The following RPTOR variants were observed in gnomAD, a reference collection of about 807,000 sequenced individuals.
RPTOR encodes regulatory associated protein of MTOR complex 1.
In RPTOR, 21 loss-of-function variants were observed where a neutral mutation model predicts 169.9. That is an observed-to-expected ratio of 0.12 (90% CI 0.09 to 0.18). The LOEUF (loss-of-function observed/expected upper bound fraction) is 0.18. Among genes scored for constraint, RPTOR ranks in the 10% least tolerant of loss-of-function variants. The pLI is 1.00. For missense variants in RPTOR, 1,133 were observed against 1,855.9 expected, an observed-to-expected ratio of 0.61 and a Z score of 7.16; for synonymous variants, 732 against 753.2, an observed-to-expected ratio of 0.97 and a Z score of 0.46.
At chr17:80,745,728 A>G (rs2066566294) in intron 5 of RPTOR, among the ~76,000 whole-genome samples, 1 of 152,248 alleles carries the variant, frequency 6.6e-6, no homozygotes, top group African/African-American at 2.4e-5. Context: ...CAGAGCTAAA[A>G]GTGTTACCGA....
At chr17:80,890,085 G>A (rs908774935) in intron 17 of RPTOR, among the ~76,000 whole-genome samples, 17 of 151,648 alleles carry the variant, frequency 1.1e-4, no homozygotes, top group African/African-American at 4.1e-4. Flanking sequence ...AGTGAGGGAT[G>A]TGCGGCCCCC....
chr17:80,736,704 G>T (rs564591363), intron 5 of RPTOR, among the ~76,000 whole-genome samples: 4 of 152,306 alleles, frequency 2.6e-5, no homozygotes, highest in Admixed American at 2.0e-4. Context: ...TGCAGCAAAA[G>T]GCAGTTCTCC....
At chr17:80,738,273 G>A (rs1198132954) in intron 5 of RPTOR, among the ~76,000 whole-genome samples, 3 of 152,234 alleles carry the variant, frequency 2.0e-5, no homozygotes, top group Non-Finnish European at 4.4e-5. Flanking sequence ...CAGTTGGTGG[G>A]ACATTTGTGC....
intron 7 of RPTOR, among the ~76,000 whole-genome samples, chr17:80,806,209 C>T (rs1216062708): frequency 6.6e-6 from 1 of 152,156 alleles, no homozygotes; most frequent in Admixed American, 6.5e-5. Context: ...CAAACCATTT[C>T]GGTAACCCTG....
intron 12 of RPTOR, among the ~76,000 whole-genome samples, chr17:80,856,738 G>A (rs1323270392): frequency 6.6e-6 from 1 of 152,204 alleles, no homozygotes; most frequent in African/African-American, 2.4e-5. Flanking sequence ...AAGAAGACAG[G>A]AAGCATGTAT....
chr17:80,544,870 T>G lies in RPTOR; in HGVS notation c.-760T>G, dbSNP rs1441060860. Reference sequence around the variant, plus strand: ...CAATATGGCGTCCTCCTTGATGGGCTGATGAGATGAGTTTCACTGTAGCTC... The same window carrying G: ...CAATATGGCGTCCTCCTTGATGGGCGGATGAGATGAGTTTCACTGTAGCTC... On this transcript the variant is annotated 5_prime_UTR_variant, in exon 1 of 34. It removes the in-frame stop codon of an upstream open reading frame in the 5' UTR. Transcript: ENST00000306801. 1 of 222,412 alleles carries G rather than the reference T, an allele frequency of 4.5e-6. No homozygotes were observed. Among genetic ancestry groups the G allele is most frequent in the Non-Finnish European group, 9.0e-6 (1 of 110,974 alleles). 13.8% of individuals were successfully genotyped at this position (222,412 alleles called of 1,614,324 possible).
intron 1 of RPTOR, among the ~76,000 whole-genome samples, chr17:80,605,513 C>G (rs2065222439): frequency 6.6e-6 from 1 of 152,064 alleles, no homozygotes; most frequent in Non-Finnish European, 1.5e-5. Flanking sequence ...TGTCTCAGTT[C>G]TGGACCATGG....
intron 3 of RPTOR, among the ~76,000 whole-genome samples, chr17:80,649,683 A>G (rs991866946): frequency 3.3e-5 from 5 of 151,726 alleles, no homozygotes; most frequent in African/African-American, 9.7e-5. Flanking sequence ...AGTTTCACTT[A>G]ACTGCTTACT....
chr17:80,598,725 T>C (rs746469150), intron 1 of RPTOR, among the ~76,000 whole-genome samples: 7 of 152,202 alleles, frequency 4.6e-5, no homozygotes, highest in Non-Finnish European at 8.8e-5. Context: ...TTTCCCTGCA[T>C]GGAGCAGTGA....
At chr17:80,786,132 G>T (rs1453377673) in intron 6 of RPTOR, among the ~76,000 whole-genome samples, 1 of 152,190 alleles carries the variant, frequency 6.6e-6, no homozygotes, top group Non-Finnish European at 1.5e-5. Context: ...TGGGGTGGGA[G>T]AGTGAAAGTT....
chr17:80,638,307 G>A (rs567113503), intron 2 of RPTOR, among the ~76,000 whole-genome samples: 17 of 152,308 alleles, frequency 1.1e-4, no homozygotes, highest in Admixed American at 1.1e-3. Flanking sequence ...GTTAGCCACG[G>A]CCAGTCACAG....
At chr17:80,758,346 G>T (rs1038984984) in intron 6 of RPTOR, among the ~76,000 whole-genome samples, 2 of 152,188 alleles carry the variant, frequency 1.3e-5, no homozygotes, top group African/African-American at 4.8e-5. Flanking sequence ...CAGGAGTGCG[G>T]TTGAGCTCAG....
At chr17:80,753,300 A>G (rs1340039881) in intron 5 of RPTOR, among the ~76,000 whole-genome samples, 2 of 152,164 alleles carry the variant, frequency 1.3e-5, no homozygotes, top group Non-Finnish European at 2.9e-5. Context: ...ACGTCTTCCC[A>G]TGTCATTAAA....
intron 6 of RPTOR, among the ~76,000 whole-genome samples, chr17:80,766,221 A>G (rs2066785825): frequency 6.6e-6 from 1 of 151,924 alleles, no homozygotes; most frequent in Non-Finnish European, 1.5e-5. Flanking sequence ...ATTCTGACTA[A>G]TTTTTGTATC....
chr17:80,727,761 CT>C lies in RPTOR; in HGVS notation c.508-2789del, dbSNP rs35254950. On this transcript the variant is annotated intron_variant, in intron 4 of 33. Coordinates refer to ENST00000306801, the MANE Select transcript of RPTOR (RefSeq NM_020761.3). ...ACACTGGCATTTAGATAATTTTCAG[CT>C]TTTTTTTTTACCAGTCAAAACATCT... 1.1e-4 allele frequency among the ~76,000 whole-genome samples: 16 copies of C among 149,792 alleles called. No individual in the cohort carries two copies. The East Asian group carries it at 1.2e-3, about 11-fold the overall frequency.
intron 3 of RPTOR, among the ~76,000 whole-genome samples, chr17:80,672,331 G>A (rs1364797896): frequency 6.6e-6 from 1 of 151,162 alleles, no homozygotes; most frequent in Non-Finnish European, 1.5e-5. Context: ...CAAGGCCTCG[G>A]GCTCCTCCTA....
chr17:80,945,913 G>A lies in RPTOR; in HGVS notation c.3140+132G>A, dbSNP rs576649039. The A allele has an allele frequency of 7.4e-4, 377 of 507,572 alleles. 9 individuals are homozygous for A. The South Asian group carries it at 0.013, about 17-fold the overall frequency. The allele number at this position is 507,572 out of a possible 1,614,324, so 31.4% of individuals were successfully genotyped here. A position where few individuals can be genotyped will look rare whatever the true frequency, so the allele number is the denominator to read the frequency against. On this transcript the variant is annotated intron_variant, in intron 26 of 33. Coordinates refer to ENST00000306801, the MANE Select transcript of RPTOR (RefSeq NM_020761.3). The stretch of plus-strand genomic sequence containing the variant: ...CACTCACCCCGAGGCCCTTAGCACT[G>A]TTTCCTGAGAAACGGCCCTACTCAC...
intron 5 of RPTOR, among the ~76,000 whole-genome samples, chr17:80,742,345 C>T (rs767228315): frequency 2.6e-5 from 4 of 151,992 alleles, no homozygotes; most frequent in African/African-American, 7.3e-5. Flanking sequence ...GGCGGAGCAT[C>T]GACGGTGGTC....
intron 1 of RPTOR, among the ~76,000 whole-genome samples, chr17:80,575,571 CGT>C (rs2064955552): frequency 6.6e-6 from 1 of 152,154 alleles, no homozygotes; most frequent in African/African-American, 2.4e-5. Flanking sequence ...TGTGTGCACA[CGT>C]GTGCATACAT....
Sources: gnomAD v4.1 joint callset for allele counts (sites outside exome capture counted in the v4.1 genomes callset) on GRCh38, gnomAD v4.1.1 for gene constraint, MANE v1.5 for transcripts, NCBI Gene and HGNC (gene_info 2026-07-23, HGNC 2026-07-21) for gene names.